ZNF100: variants seen among roughly 807,000 people sequenced by gnomAD.
The protein encoded by ZNF100 is zinc finger protein 100.
ZNF100 carries 12 observed loss-of-function variants against 15.8 expected under a neutral mutation model. The observed-to-expected ratio is 0.76, with a 90% CI of 0.49 to 1.23. The LOEUF is 1.23. ZNF100 is among the 50% of genes most tolerant of loss of function. The pLI is 0.00. For missense variants in ZNF100, 670 were observed against 635.6 expected (o/e 1.05, Z -0.58); for synonymous variants, 226 against 214.8 (o/e 1.05, Z -0.45).
At chr19:21,751,664 C>T in intron 2 of ZNF100, 1 of 1,342,454 alleles carries the variant, frequency 7.4e-7, no homozygotes, top group Non-Finnish European at 1.1e-6. Context: ...AATGGAAAGG[C>T]ATTTTTCGGA....
chr19:21,763,586 CCCG>C (rs1318799740), intron 2 of ZNF100, among the ~76,000 whole-genome samples: 1 of 150,964 alleles, frequency 6.6e-6, no homozygotes, highest in Non-Finnish European at 1.5e-5. Context: ...AAGACTCCAT[CCCG>C]GGGGGAAAAA....
chr19:21,728,180 G>A (rs977723481), intron 4 of ZNF100, among the ~76,000 whole-genome samples, 191 bp from the exon 5 acceptor site: 4 of 150,372 alleles, frequency 2.7e-5, no homozygotes, highest in African/African-American at 9.8e-5. Flanking sequence ...TTATAAATGA[G>A]TTAAGTGTGT....
intron 2 of ZNF100, among the ~76,000 whole-genome samples, chr19:21,763,800 A>C (rs1323335384): frequency 6.6e-6 from 1 of 152,004 alleles, no homozygotes; most frequent in African/African-American, 2.4e-5. Flanking sequence ...CCTTCTCTCT[A>C]ATCTTTTTTG....
chr19:21,727,857 A>G lies in ZNF100; in HGVS notation c.455T>C (p.Val152Ala). ...NLQLQKGCKSVDECKVHKEHD... is the reference protein window; with the variant it reads ...NLQLQKGCKSADECKVHKEHD... ...TTCTTTGTGCACTTTACACTCATCC[A>G]CACTTTTACAGCCTTTTTGTAACTG... Residue 152 changes from valine (V) to alanine (A), a missense_variant, in exon 5 of 5, where the codon GTG becomes GCG. Physicochemically the swap from Val to Ala is moderately conservative, Grantham distance 64 (BLOSUM62 0). Coordinates refer to ENST00000358296, the MANE Select transcript of ZNF100 (RefSeq NM_173531.4). The G allele has an allele frequency of 6.2e-7, 1 of 1,611,878 alleles. No individual in the cohort carries two copies. The highest frequency in any genetic ancestry group is 8.5e-7 in the Non-Finnish European group (1 of 1,179,304).
At chr19:21,767,244 G>C (rs1024121311) in intron 1 of ZNF100, among the ~76,000 whole-genome samples, 183 bp downstream of exon 1, 1 of 152,188 alleles carries the variant, frequency 6.6e-6, no homozygotes, top group African/African-American at 2.4e-5. Flanking sequence ...GAGAAAGGAC[G>C]CCTGGGGTCC....
chr19:21,765,811 C>G (rs1173853432), intron 1 of ZNF100, 25 bp from the exon 2 acceptor site: 1 of 1,593,424 alleles, frequency 6.3e-7, no homozygotes, highest in Non-Finnish European at 8.6e-7. Context: ...AAACCAGAAG[C>G]TGACATTCAC....
intron 4 of ZNF100, among the ~76,000 whole-genome samples, chr19:21,742,395 T>G (rs1361496724): frequency 1.1e-5 from 1 of 87,622 alleles, no homozygotes; most frequent in Non-Finnish European, 2.6e-5. Flanking sequence ...TTTTTTTTTT[T>G]GAGACAGAGA....
At chr19:21,740,310 AT>A (rs2036085555) in intron 4 of ZNF100, among the ~76,000 whole-genome samples, 1 of 152,224 alleles carries the variant, frequency 6.6e-6, no homozygotes, top group Non-Finnish European at 1.5e-5. Context: ...TATATAAAAA[AT>A]GTTTTCAATA....
Position 21,767,444 on chromosome 19 carries a change from G to A in ZNF100, c.-15C>T. 1 of 1,614,124 alleles carries A rather than the reference G, an allele frequency of 6.2e-7. No individual in the cohort carries two copies. On this transcript the variant is annotated 5_prime_UTR_variant, in exon 1 of 5. Transcript: ENST00000358296. ...ACTCTCACCATTTCTAGGCTTCTAG[G>A]GGGTCCTGGCGTCTTAGCTGTGGAT... is the stretch of plus-strand genomic sequence containing the variant.
chr19:21,759,242 A>C (rs1334200311), intron 2 of ZNF100, among the ~76,000 whole-genome samples: 1 of 152,204 alleles, frequency 6.6e-6, no homozygotes, highest in African/African-American at 2.4e-5. Flanking sequence ...CACTGCAGCT[A>C]TGTTTACAGA....
At chr19:21,733,742 G>A (rs1171264369) in intron 4 of ZNF100, among the ~76,000 whole-genome samples, 4 of 152,264 alleles carry the variant, frequency 2.6e-5, no homozygotes, top group Non-Finnish European at 5.9e-5. Flanking sequence ...TGAATCCTGT[G>A]CATCCTGACT....
At chr19:21,746,309 A>G (rs776470016) in intron 2 of ZNF100, among the ~76,000 whole-genome samples, 14 of 152,244 alleles carry the variant, frequency 9.2e-5, no homozygotes, top group African/African-American at 3.1e-4. Context: ...GTAATTTTCA[A>G]TAATGATTTT....
intron 2 of ZNF100, chr19:21,750,987 T>G: frequency 8.8e-7 from 1 of 1,134,914 alleles, no homozygotes; most frequent in African/African-American, 1.6e-5. Context: ...CCCGCTTCTG[T>G]GGAGCCTACC....
Position 21,732,686 on chromosome 19 carries a change from G to T in ZNF100, c.323-4697C>A, listed in dbSNP as rs527458629. Reference sequence around the variant, plus strand: ...AAAATTAAAATATGGAATGTAAAACGTATTGGATGCCATCAAGTAGATCAA... The same window carrying T: ...AAAATTAAAATATGGAATGTAAAACTTATTGGATGCCATCAAGTAGATCAA... On this transcript the variant is annotated intron_variant, in intron 4 of 4. Coordinates refer to ENST00000358296, the MANE Select transcript of ZNF100 (RefSeq NM_173531.4). 2.7e-5 allele frequency among the ~76,000 whole-genome samples: 4 copies of T among 150,656 alleles called. No individual in the cohort carries two copies. In the South Asian group the frequency reaches 6.3e-4, roughly 24 times the overall value.
At position 21,742,226 on chromosome 19, in the gene ZNF100, G is replaced by C. The variant is rs182217329; in HGVS notation, c.322+1791C>G. 3.1e-3 allele frequency among the ~76,000 whole-genome samples: 475 copies of C among 151,318 alleles called. 2 individuals carry two copies. Among genetic ancestry groups the C allele is most frequent in the African/African-American group, 0.011 (457 of 41,222 alleles). On this transcript the variant is annotated intron_variant, in intron 4 of 4. Transcript: ENST00000358296. ...GCAGGAGAATTGCTTGAACCCAGGAGGTGGGGGTTGCAGTGAGCCGAGATT... is the reference window on the plus strand; with the variant it reads ...GCAGGAGAATTGCTTGAACCCAGGACGTGGGGGTTGCAGTGAGCCGAGATT...
chr19:21,758,412 C>T (rs1417110031), intron 2 of ZNF100, among the ~76,000 whole-genome samples: 2 of 152,150 alleles, frequency 1.3e-5, no homozygotes, highest in Admixed American at 6.5e-5. Flanking sequence ...CACATGTACA[C>T]GTGTAGAAAA....
intron 4 of ZNF100, among the ~76,000 whole-genome samples, chr19:21,739,423 G>A (rs2036069128): frequency 6.6e-6 from 1 of 152,150 alleles, no homozygotes; most frequent in African/African-American, 2.4e-5. Context: ...AGGCATGGTA[G>A]TGCATGTCCA....
At position 21,724,774 on chromosome 19, in the gene ZNF100, G is replaced by GGTGC. The variant is rs1445532934; in HGVS notation, c.*1908_*1909insGCAC. ...ATTTAAATAAAATAAACATTTGGCT[G>GGTGC]GGCACGGTGGCTCATGCCTGTAATC... On this transcript the variant is annotated 3_prime_UTR_variant, in exon 5 of 5. Coordinates refer to ENST00000358296, the MANE Select transcript of ZNF100 (RefSeq NM_173531.4). 2.0e-5 allele frequency: 3 copies of GGTGC among 152,130 alleles called. No individual in the cohort carries two copies. Among genetic ancestry groups the GGTGC allele is most frequent in the Non-Finnish European group, 4.4e-5 (3 of 68,022 alleles). The allele number at this position is 152,130 out of a possible 1,614,324, so 9.4% of individuals were successfully genotyped here. A position where few individuals can be genotyped will look rare whatever the true frequency, so the allele number is the denominator to read the frequency against.
At chr19:21,751,238 C>T in intron 2 of ZNF100, 4 of 1,248,448 alleles carry the variant, frequency 3.2e-6, no homozygotes, top group Non-Finnish European at 4.7e-6. Flanking sequence ...GGTGACAGAA[C>T]AGTCAGCCAG....
Sources: gnomAD v4.1 joint callset for allele counts (sites outside exome capture counted in the v4.1 genomes callset) on GRCh38, gnomAD v4.1.1 for gene constraint, MANE v1.5 for transcripts, NCBI Gene and HGNC (gene_info 2026-07-23, HGNC 2026-07-21) for gene names.